RPS6KC1: variants seen among roughly 807,000 people sequenced by gnomAD.
RPS6KC1 encodes inactive ribosomal protein S6 kinase delta-1.
A neutral mutation model predicts 103.8 loss-of-function variants in RPS6KC1; 54 were observed. The ratio of observed to expected loss-of-function variants is 0.52; its 90% CI spans 0.42 to 0.65. RPS6KC1 has a LOEUF of 0.65. Among genes scored for constraint, RPS6KC1 ranks in the 30% least tolerant of loss-of-function variants. The probability of loss-of-function intolerance (pLI) is 0.00; values close to 1 mark genes in which losing one functional copy is unlikely to be tolerated. For missense variants in RPS6KC1, 1,151 were observed against 1,253.8 expected (o/e 0.92, Z 1.24); for synonymous variants, 439 against 438.7 (o/e 1.00, Z -0.01).
the RPS6KC1 span, among the ~76,000 whole-genome samples, chr1:213,539,442 C>T: frequency 2.6e-5 from 4 of 152,206 alleles, no homozygotes; most frequent in African/African-American, 4.8e-5. Context: ...TTTTCATGAG[C>T]CGTTCCAGTT....
At chr1:213,685,510 A>T in the RPS6KC1 span, among the ~76,000 whole-genome samples, 4 of 152,000 alleles carry the variant, frequency 2.6e-5, no homozygotes, top group African/African-American at 4.8e-5. Flanking sequence ...GGAGCCTGTA[A>T]TCCCAGCTAC....
chr1:213,744,483 G>A, the RPS6KC1 span, among the ~76,000 whole-genome samples: 1 of 152,128 alleles, frequency 6.6e-6, no homozygotes, highest in African/African-American at 2.4e-5. Flanking sequence ...CCCCCCATGG[G>A]CCTTTCTTAT....
the RPS6KC1 span, among the ~76,000 whole-genome samples, chr1:213,494,497 C>A: frequency 2.0e-5 from 3 of 151,866 alleles, 1 homozygote; most frequent in Non-Finnish European, 1.5e-5. Flanking sequence ...CAAAAGGAGG[C>A]AATGGAGAAC....
the RPS6KC1 span, among the ~76,000 whole-genome samples, chr1:213,461,756 A>G: frequency 1.3e-4 from 20 of 152,356 alleles, no homozygotes; most frequent in East Asian, 3.7e-3. Context: ...CCTTCCTTAT[A>G]TCTTATACAA....
At chr1:213,862,688 T>C in the RPS6KC1 span, among the ~76,000 whole-genome samples, 1 of 152,192 alleles carries the variant, frequency 6.6e-6, no homozygotes, top group South Asian at 2.1e-4. Context: ...CTCACTGTTC[T>C]TCATGCTTAT....
At chr1:213,463,593 C>T in the RPS6KC1 span, among the ~76,000 whole-genome samples, 3 of 152,082 alleles carry the variant, frequency 2.0e-5, no homozygotes, top group Non-Finnish European at 4.4e-5. Flanking sequence ...CTCCCTAGCG[C>T]AGTACATGTC....
At chr1:213,081,349 CGA>C (rs2079861872) in intron 3 of RPS6KC1, among the ~76,000 whole-genome samples, 1 of 152,184 alleles carries the variant, frequency 6.6e-6, no homozygotes, top group South Asian at 2.1e-4. Flanking sequence ...GAGAAGGAAA[CGA>C]GAGAGAGGAG....
At chr1:213,629,702 GT>G in the RPS6KC1 span, among the ~76,000 whole-genome samples, 1 of 152,206 alleles carries the variant, frequency 6.6e-6, no homozygotes, top group South Asian at 2.1e-4. Context: ...AATTTGGCAT[GT>G]TTTTGCAGTG....
the RPS6KC1 span, among the ~76,000 whole-genome samples, chr1:213,661,162 G>A: frequency 2.0e-5 from 3 of 152,136 alleles, no homozygotes; most frequent in Admixed American, 6.5e-5. Context: ...CTAGCAAATG[G>A]GGAATCCTTT....
chr1:213,449,767 CTT>C, the RPS6KC1 span, among the ~76,000 whole-genome samples: 2 of 152,200 alleles, frequency 1.3e-5, no homozygotes, highest in African/African-American at 4.8e-5. Context: ...TGTACCGTCT[CTT>C]TCTGGAGGAG....
At chr1:213,701,089 A>G in the RPS6KC1 span, among the ~76,000 whole-genome samples, 1 of 152,050 alleles carries the variant, frequency 6.6e-6, no homozygotes, top group East Asian at 1.9e-4. Context: ...TTCCAGTGTT[A>G]CATTGAATAA....
chr1:213,208,135 C>T (rs983779911), intron 8 of RPS6KC1, among the ~76,000 whole-genome samples: 13 of 152,192 alleles, frequency 8.5e-5, no homozygotes, highest in East Asian at 3.8e-4. Context: ...TGTCTCCCAA[C>T]CCTCTGATGG....
At chr1:213,347,266 T>C in the RPS6KC1 span, among the ~76,000 whole-genome samples, 1 of 152,252 alleles carries the variant, frequency 6.6e-6, no homozygotes, top group Non-Finnish European at 1.5e-5. Flanking sequence ...TAAACACTTT[T>C]TTTCTTTATT....
chr1:213,571,362 T>G, the RPS6KC1 span, among the ~76,000 whole-genome samples: 6 of 152,152 alleles, frequency 3.9e-5, no homozygotes, highest in Non-Finnish European at 8.8e-5. Context: ...GGGGCTATGA[T>G]AGGTCTGGAG....
chr1:213,375,865 C>G, the RPS6KC1 span, among the ~76,000 whole-genome samples: 1 of 152,230 alleles, frequency 6.6e-6, no homozygotes, highest in Non-Finnish European at 1.5e-5. Context: ...TGGGGGGTCT[C>G]TGGCCCAGAG....
chr1:213,826,909 G>A, the RPS6KC1 span, among the ~76,000 whole-genome samples: 1 of 152,164 alleles, frequency 6.6e-6, no homozygotes, highest in African/African-American at 2.4e-5. Flanking sequence ...ACTGGGTTCA[G>A]GTCCCATCAC....
chr1:213,188,518 ATTTG>A (rs1258597035), intron 8 of RPS6KC1, among the ~76,000 whole-genome samples: 6 of 151,818 alleles, frequency 4.0e-5, no homozygotes, highest in South Asian at 4.2e-4. Flanking sequence ...GCACTTACAT[ATTTG>A]TTTGTTTGTT....
the RPS6KC1 span, among the ~76,000 whole-genome samples, chr1:213,328,712 G>A: frequency 6.6e-6 from 1 of 151,480 alleles, no homozygotes; most frequent in African/African-American, 2.4e-5. Context: ...GGGTTAGATG[G>A]GCCCTGTGTG....
At chr1:213,710,014 T>G in the RPS6KC1 span, among the ~76,000 whole-genome samples, 2 of 152,132 alleles carry the variant, frequency 1.3e-5, no homozygotes, top group Non-Finnish European at 2.9e-5. Context: ...GGTTGGAGAG[T>G]TCTGTAGATG....
Sources: gnomAD v4.1 joint callset for allele counts (sites outside exome capture counted in the v4.1 genomes callset) on GRCh38, gnomAD v4.1.1 for gene constraint, MANE v1.5 for transcripts, NCBI Gene and HGNC (gene_info 2026-07-23, HGNC 2026-07-21) for gene names.